The following DYRK1A variants were observed in gnomAD, a reference collection of about 807,000 sequenced individuals.
DYRK1A encodes the protein dual specificity tyrosine phosphorylation regulated kinase 1A, also known as dual specificity tyrosine-phosphorylation-regulated kinase 1A.
DYRK1A carries 9 observed loss-of-function variants against 79.7 expected under a neutral mutation model. The observed-to-expected ratio is 0.11, with a 90% CI of 0.07 to 0.20. The LOEUF (loss-of-function observed/expected upper bound fraction) is 0.20. DYRK1A is among the 10% of genes least tolerant of loss of function. DYRK1A has a pLI of 1.00. For synonymous variants in DYRK1A, 349 were observed against 329.7 expected (o/e 1.06, Z -0.63); for missense variants, 622 against 956.0 (o/e 0.65, Z 4.61).
intron 11 of DYRK1A, among the ~76,000 whole-genome samples, chr21:37,509,249 C>G (rs2053685094): frequency 6.6e-6 from 1 of 152,150 alleles, no homozygotes; most frequent in South Asian, 2.1e-4. Flanking sequence ...TTCATCCACC[C>G]TTTGTACACA....
intron 2 of DYRK1A, among the ~76,000 whole-genome samples, chr21:37,426,144 A>C (rs1473878031): frequency 2.6e-5 from 4 of 152,174 alleles, no homozygotes; most frequent in African/African-American, 9.7e-5. Context: ...GCAAAGGAAA[A>C]AATGTCAGAT....
intron 2 of DYRK1A, among the ~76,000 whole-genome samples, chr21:37,461,049 G>A (rs1232899484): frequency 6.6e-6 from 1 of 152,158 alleles, no homozygotes; most frequent in Non-Finnish European, 1.5e-5. Flanking sequence ...GTAATCAAGA[G>A]TGGTAAGGGC....
chr21:37,476,170 A>T (rs2052386465), intron 3 of DYRK1A, among the ~76,000 whole-genome samples: 1 of 152,092 alleles, frequency 6.6e-6, no homozygotes, highest in African/African-American at 2.4e-5. Flanking sequence ...GACCACCCGG[A>T]TGGTGATTTT....
intron 2 of DYRK1A, among the ~76,000 whole-genome samples, chr21:37,423,733 G>C (rs1224032139): frequency 6.6e-6 from 1 of 152,022 alleles, no homozygotes; most frequent in Admixed American, 6.6e-5. Flanking sequence ...TGATATACTA[G>C]TCACTTTTAA....
chr21:37,429,878 C>T (rs750450070), intron 2 of DYRK1A, among the ~76,000 whole-genome samples: 6 of 152,070 alleles, frequency 3.9e-5, no homozygotes, highest in Non-Finnish European at 5.9e-5. Context: ...TACTATTTTC[C>T]GTTTTAAAAT....
At chr21:37,366,399 G>T (rs1186594642), upstream of DYRK1A, among the ~76,000 whole-genome samples, 3 of 144,370 alleles carry the variant, frequency 2.1e-5, no homozygotes, top group African/African-American at 2.5e-5. Context: ...GGCCGCAGTC[G>T]GCGCGGGCGC....
At chr21:37,511,773 C>G (rs1164720743) in intron 11 of DYRK1A, 138 bp from the exon 12 acceptor site, 1 of 1,036,300 alleles carries the variant, frequency 9.6e-7, no homozygotes, top group African/African-American at 1.6e-5. Context: ...ATAAAACTGT[C>G]TTAACACATT....
intron 2 of DYRK1A, among the ~76,000 whole-genome samples, chr21:37,431,381 G>A (rs1172056901): frequency 6.6e-6 from 1 of 152,144 alleles, no homozygotes; most frequent in Non-Finnish European, 1.5e-5. Flanking sequence ...CCTGGCCTTT[G>A]TAAACATTTC....
chr21:37,414,986 AC>A (rs1007159406), intron 1 of DYRK1A, among the ~76,000 whole-genome samples: 2 of 152,132 alleles, frequency 1.3e-5, no homozygotes, highest in African/African-American at 2.4e-5. Context: ...ATGATAACTT[AC>A]CCCCAGAAAC....
chr21:37,402,227 T>G (rs1401276634), intron 1 of DYRK1A, among the ~76,000 whole-genome samples: 4 of 152,242 alleles, frequency 2.6e-5, no homozygotes, highest in African/African-American at 9.6e-5. Context: ...AAACTTTGTT[T>G]CCATTTGGTA....
chr21:37,457,125 A>G (rs979147553), intron 2 of DYRK1A, among the ~76,000 whole-genome samples: 2 of 152,014 alleles, frequency 1.3e-5, no homozygotes, highest in African/African-American at 4.8e-5. Flanking sequence ...GCTGGAGTGC[A>G]GTAGCACGAT....
chr21:37,371,097 A>G (rs371557113), intron 1 of DYRK1A, among the ~76,000 whole-genome samples: 11 of 152,366 alleles, frequency 7.2e-5, no homozygotes, highest in African/African-American at 2.6e-4. Context: ...TCAGCAAATT[A>G]TATTAAATTA....
Position 37,480,703 on chromosome 21 carries a change from G to A in DYRK1A, c.366G>A (p.Lys122=). 6.2e-7 allele frequency: 1 copy of A among 1,612,622 alleles called. No homozygotes were observed. Among genetic ancestry groups the A allele is most frequent in the Non-Finnish European group, 8.5e-7 (1 of 1,179,508 alleles). Residue 122 remains lysine, a synonymous_variant, in exon 5 of 12, where the codon AAG becomes AAA. Transcript: ENST00000647188. ...QGQGDDSSHK[K]ERKVYNDGYD... ...AGGGAGACGATTCTAGTCATAAGAAGGAACGGAAGGTTTACAATGATGGTT... is the reference window on the plus strand; with the variant it reads ...AGGGAGACGATTCTAGTCATAAGAAAGAACGGAAGGTTTACAATGATGGTT...
In DYRK1A at chr21:37,454,237, C is replaced by T. The variant is rs78166879; in HGVS notation, c.11-18447C>T. On this transcript the variant is annotated intron_variant, in intron 2 of 11. Coordinates refer to ENST00000647188, the MANE Select transcript of DYRK1A (RefSeq NM_001347721.2). ...CCTGCCAAATAGCTGGGACTATAGG[C>T]GTGCGCTACCATGCCTGGCTGATTT... 7.2e-5 allele frequency among the ~76,000 whole-genome samples: 11 copies of T among 151,992 alleles called. No individual in the cohort carries two copies. The East Asian group carries it at 1.4e-3, about 19-fold the overall frequency.
chr21:37,395,319 G>A (rs1351998409), intron 1 of DYRK1A, among the ~76,000 whole-genome samples: 6 of 152,166 alleles, frequency 3.9e-5, no homozygotes, highest in African/African-American at 1.4e-4. Context: ...TTTAGGCCCT[G>A]TATTCTTATT....
At chr21:37,459,855 G>A (rs974414406) in intron 2 of DYRK1A, among the ~76,000 whole-genome samples, 2 of 151,950 alleles carry the variant, frequency 1.3e-5, no homozygotes, top group Non-Finnish European at 2.9e-5. Flanking sequence ...AATAAGTTTC[G>A]TTTTTTTCCC....
At chr21:37,383,672 G>C (rs1190386755) in intron 1 of DYRK1A, among the ~76,000 whole-genome samples, 1 of 152,170 alleles carries the variant, frequency 6.6e-6, no homozygotes, top group African/African-American at 2.4e-5. Flanking sequence ...TATGTTTTAG[G>C]TGTTAAGGAT....
At chr21:37,458,099 C>T (rs752469787) in intron 2 of DYRK1A, among the ~76,000 whole-genome samples, 1 of 152,156 alleles carries the variant, frequency 6.6e-6, no homozygotes, top group Non-Finnish European at 1.5e-5. Context: ...AAGCAGGCAC[C>T]TTTCAACTTT....
At chr21:37,369,048 C>A (rs1229827094) in intron 1 of DYRK1A, among the ~76,000 whole-genome samples, 2 of 152,018 alleles carry the variant, frequency 1.3e-5, no homozygotes, top group African/African-American at 2.4e-5. Context: ...GTACTTCAAA[C>A]AATTTTGATT....
Sources: allele counts gnomAD v4.1 joint callset (sites outside exome capture counted in the v4.1 genomes callset), GRCh38; gene constraint gnomAD v4.1.1; transcripts MANE v1.5; gene names NCBI Gene and HGNC (gene_info 2026-07-23, HGNC 2026-07-21).